The following BCL7B variants were observed in gnomAD, a reference collection of about 807,000 sequenced individuals.
The protein encoded by BCL7B is BAF chromatin remodeling complex subunit BCL7B, also known as B-cell CLL/lymphoma 7 protein family member B.
A neutral mutation model predicts 26.5 loss-of-function variants in BCL7B; 11 were observed. The observed-to-expected ratio is 0.42, with a 90% CI of 0.26 to 0.69. The LOEUF (loss-of-function observed/expected upper bound fraction) is 0.69, where lower values mean the gene tolerates loss of function less well. Ranked by LOEUF, BCL7B falls within the 30% of genes least tolerant of loss-of-function variation. BCL7B has a pLI of 0.28. For synonymous variants in BCL7B, 111 were observed against 107.9 expected (o/e 1.03, Z -0.18); for missense variants, 215 against 264.4 (o/e 0.81, Z 1.30).
chr7:73,544,994 G>A (rs917312258), intron 2 of BCL7B, among the ~76,000 whole-genome samples: 3 of 151,972 alleles, frequency 2.0e-5, no homozygotes, highest in Non-Finnish European at 2.9e-5. Context: ...GAAAGTTTGA[G>A]GCTGCAGTGA....
intron 5 of BCL7B, among the ~76,000 whole-genome samples, chr7:73,537,686 G>A (rs1411212036): frequency 1.3e-5 from 2 of 152,006 alleles, no homozygotes; most frequent in Non-Finnish European, 2.9e-5. Context: ...TCAGGAGTTC[G>A]AGACTAGCCT....
intron 3 of BCL7B, among the ~76,000 whole-genome samples, chr7:73,540,785 G>A (rs530983498): frequency 1.1e-4 from 14 of 130,120 alleles, no homozygotes; most frequent in Non-Finnish European, 2.2e-4. Context: ...AGCCGAGATC[G>A]CGCCATTGCA....
chr7:73,548,934 AAAAC>A (rs781790517), intron 2 of BCL7B, among the ~76,000 whole-genome samples: 23 of 152,106 alleles, frequency 1.5e-4, no homozygotes, highest in Non-Finnish European at 2.1e-4. Context: ...CCGTCTCAAA[AAAAC>A]AAACAAACAA....
intron 3 of BCL7B, 147 bp downstream of exon 3, chr7:73,543,401 C>T (rs1554583139): frequency 2.9e-6 from 2 of 697,440 alleles, no homozygotes; most frequent in Non-Finnish European, 5.0e-6. Context: ...TCGTCTTGAA[C>T]TCCTGACCTC....
At chr7:73,542,729 C>A in intron 3 of BCL7B, 1 of 246,502 alleles carries the variant, frequency 4.1e-6, no homozygotes, top group Admixed American at 4.4e-5. Flanking sequence ...AGAACATGTC[C>A]TAACAGTGGG....
At chr7:73,556,716 G>A (rs1444136588) in intron 1 of BCL7B, among the ~76,000 whole-genome samples, 1 of 152,126 alleles carries the variant, frequency 6.6e-6, no homozygotes, top group Non-Finnish European at 1.5e-5. Context: ...CCAACTCCTG[G>A]GTCCCAGCAA....
intron 2 of BCL7B, among the ~76,000 whole-genome samples, chr7:73,551,746 A>T (rs1792180573): frequency 6.6e-6 from 1 of 152,186 alleles, no homozygotes; most frequent in African/African-American, 2.4e-5. Flanking sequence ...TGGACCAATA[A>T]CAGGGTACCT....
chr7:73,546,171 G>A (rs1351334763), intron 2 of BCL7B, among the ~76,000 whole-genome samples: 3 of 151,500 alleles, frequency 2.0e-5, no homozygotes, highest in South Asian at 2.1e-4. Flanking sequence ...TACGGATCAG[G>A]CTTCCGTCCT....
intron 1 of BCL7B, chr7:73,556,894 G>A (rs782649762): frequency 2.7e-5 from 23 of 856,006 alleles, no homozygotes; most frequent in Admixed American, 6.2e-5. Context: ...GTTTGCAAAG[G>A]ACTCTCCTGA....
chr7:73,544,084 C>G (rs1264786566), intron 2 of BCL7B, among the ~76,000 whole-genome samples: 1 of 152,044 alleles, frequency 6.6e-6, no homozygotes, highest in Non-Finnish European at 1.5e-5. Flanking sequence ...ACAAATGGGC[C>G]CAGGCTGGCT....
At chr7:73,540,266 G>A in intron 3 of BCL7B, 1 of 547,208 alleles carries the variant, frequency 1.8e-6, no homozygotes, top group Non-Finnish European at 3.2e-6. Flanking sequence ...AGGAAGGTCA[G>A]GATATGCTTA....
At position 73,537,086 on chromosome 7, in the gene BCL7B, G is replaced by A. The variant is rs1791559443; in HGVS notation, c.*212C>T. On this transcript the variant is annotated 3_prime_UTR_variant, in exon 6 of 6. Transcript: ENST00000223368. ...AACTTGGGGTGCAAAAAAGACATGA[G>A]CGCTCCTCTTCTCGGGAGCAAGTAG... 1 of 468,170 alleles carries A rather than the reference G, an allele frequency of 2.1e-6. No individual in the cohort carries two copies. Among genetic ancestry groups the A allele is most frequent in the Non-Finnish European group, 3.9e-6 (1 of 259,392 alleles). 29.0% of individuals were successfully genotyped at this position (468,170 alleles called of 1,614,324 possible). A position where few individuals can be genotyped will look rare whatever the true frequency, so the allele number is the denominator to read the frequency against.
intron 2 of BCL7B, among the ~76,000 whole-genome samples, chr7:73,544,611 G>A (rs1554583288): frequency 6.6e-6 from 1 of 152,094 alleles, no homozygotes; most frequent in African/African-American, 2.4e-5. Context: ...GGGCGAAAGA[G>A]CGAAACTCCA....
Position 73,538,612 on chromosome 7 carries a change from C to T in BCL7B, c.437-599G>A, listed in dbSNP as rs570855733. On this transcript the variant is annotated intron_variant, in intron 4 of 5. Coordinates refer to ENST00000223368, the MANE Select transcript of BCL7B (RefSeq NM_001707.4). Reference sequence around the variant, plus strand: ...GAGGATCACTTGAAGCCCAGGAGTTCAAGACCAGCCTGGGCAACATAGTGA... The same window carrying T: ...GAGGATCACTTGAAGCCCAGGAGTTTAAGACCAGCCTGGGCAACATAGTGA... Among the ~76,000 whole-genome samples, 33 of 151,784 alleles carry T rather than the reference C, an allele frequency of 2.2e-4. 1 individual carries two copies. The highest frequency in any genetic ancestry group is 4.0e-4 in the Non-Finnish European group (27 of 67,968).
At chr7:73,544,357 G>A (rs553499378) in intron 2 of BCL7B, among the ~76,000 whole-genome samples, 20 of 151,918 alleles carry the variant, frequency 1.3e-4, no homozygotes, top group Non-Finnish European at 2.5e-4. Context: ...AGGTTGCAGT[G>A]AACCAAGATG....
chr7:73,541,616 C>T (rs1293477704), intron 3 of BCL7B, among the ~76,000 whole-genome samples: 2 of 152,044 alleles, frequency 1.3e-5, no homozygotes, highest in South Asian at 4.2e-4. Flanking sequence ...TACAGGCTTG[C>T]GCCACCACGC....
At chr7:73,541,472 T>TC (rs1791769213) in intron 3 of BCL7B, among the ~76,000 whole-genome samples, 1 of 151,684 alleles carries the variant, frequency 6.6e-6, no homozygotes, top group South Asian at 2.1e-4. Flanking sequence ...GTACTTTTTT[T>TC]TTTTTTTTTT....
Position 73,537,997 on chromosome 7 carries a change from G to A in BCL7B, c.453C>T (p.Ser151=), listed in dbSNP as rs782128837. Residue 151 remains serine, a synonymous_variant, in exon 5 of 6, where the codon TCC becomes TCT. Coordinates refer to ENST00000223368, the MANE Select transcript of BCL7B (RefSeq NM_001707.4). ...QEILEEPSLP[S]SEVADEPPTL... is the part of the protein sequence containing the mutation. ...TAGGAGGTTCATCAGCAACTTCCGA[G>A]GAGGGCAGGGAGGGCTCTGAAAAGG... is the stretch of plus-strand genomic sequence containing the variant. The A allele has an allele frequency of 9.4e-6, 15 of 1,601,350 alleles. 1 individual carries two copies. In the South Asian group the frequency reaches 1.6e-4, roughly 17 times the overall value.
chr7:73,548,669 G>A (rs1792045774), intron 2 of BCL7B, among the ~76,000 whole-genome samples: 2 of 151,908 alleles, frequency 1.3e-5, no homozygotes, highest in Admixed American at 6.6e-5. Flanking sequence ...AGTGGCTCAC[G>A]CCTGTAATCC....
Sources: gnomAD v4.1 joint callset for allele counts (sites outside exome capture counted in the v4.1 genomes callset) on GRCh38, gnomAD v4.1.1 for gene constraint, MANE v1.5 for transcripts, NCBI Gene and HGNC (gene_info 2026-07-23, HGNC 2026-07-21) for gene names.